RNPEP: variants seen among roughly 807,000 people sequenced by gnomAD.
RNPEP encodes aminopeptidase B.
In RNPEP, 57 loss-of-function variants were observed where a neutral mutation model predicts 70.1. That is an observed-to-expected ratio of 0.81 (90% CI 0.66 to 1.01). The LOEUF is 1.01. RNPEP is among the 50% of genes least tolerant of loss of function. The pLI, the probability that RNPEP is intolerant of heterozygous loss-of-function variation, is 0.00. For missense variants in RNPEP, 787 were observed against 852.4 expected (o/e 0.92, Z 0.96); for synonymous variants, 335 against 357.4 (o/e 0.94, Z 0.71).
intron 1 of RNPEP, among the ~76,000 whole-genome samples, chr1:201,987,499 A>C (rs1357635524): frequency 7.1e-6 from 1 of 140,572 alleles, no homozygotes; most frequent in East Asian, 2.1e-4. Flanking sequence ...GTGCAGTGGC[A>C]TGATCTCAGC....
Position 202,001,380 on chromosome 1 carries a change from T to A in RNPEP, c.1209T>A (p.Val403=), listed in dbSNP as rs1683800222. Reference sequence around the variant, plus strand: ...GTCTGCTTTCTCCTCTGCCAGGCGTTGACCCGGACGACACCTATAATGAGA... The same window carrying A: ...GTCTGCTTTCTCCTCTGCCAGGCGTAGACCCGGACGACACCTATAATGAGA... The part of the protein sequence containing the change: ...NKLRVKIEPG[V]DPDDTYNETP... Residue 403 remains valine, a synonymous_variant, in exon 7 of 11, where the codon GTT becomes GTA. Coordinates refer to ENST00000295640, the MANE Select transcript of RNPEP (RefSeq NM_020216.4). The A allele has an allele frequency of 6.2e-7, 1 of 1,612,446 alleles. No homozygotes were observed. Among genetic ancestry groups the A allele is most frequent in the South Asian group, 1.1e-5 (1 of 91,036 alleles).
chr1:201,983,784 A>G (rs1447593252), intron 1 of RNPEP: 2 of 1,105,128 alleles, frequency 1.8e-6, no homozygotes, highest in African/African-American at 3.4e-5. Context: ...GACGGGGCAA[A>G]TATTGGAAAT....
intron 3 of RNPEP, among the ~76,000 whole-genome samples, chr1:201,991,077 T>G (rs534057724): frequency 5.2e-4 from 79 of 152,322 alleles, no homozygotes; most frequent in African/African-American, 1.7e-3. Context: ...TGGACAGTTC[T>G]TGCCTCCTGG....
intron 6 of RNPEP, 169 bp from the exon 7 acceptor site, chr1:202,001,207 C>T (rs904240782): frequency 1.2e-5 from 7 of 604,800 alleles, no homozygotes; most frequent in African/African-American, 1.9e-5. Context: ...TGAGAGAGTC[C>T]AAGATCTGGA....
chr1:201,998,230 CTTTTT>C (rs34549362), intron 5 of RNPEP, among the ~76,000 whole-genome samples: 248 of 116,650 alleles, frequency 2.1e-3, no homozygotes, highest in South Asian at 3.3e-3. Context: ...TGGGTCTGAA[CTTTTT>C]TTTTTTTTTT....
Position 202,001,688 on chromosome 1 carries a change from C to A in RNPEP, c.1347C>A (p.Ser449Arg). 1 of 1,613,714 alleles carries A rather than the reference C, an allele frequency of 6.2e-7. No individual in the cohort carries two copies. Among genetic ancestry groups the A allele is most frequent in the South Asian group, 1.1e-5 (1 of 91,078 alleles). The change falls in exon 8 of 11, where the codon AGC becomes AGA. Residue 449 changes from serine to arginine, a missense_variant. Transcript: ENST00000295640. The stretch of plus-strand genomic sequence containing the variant: ...ATGTGCATGAATTCAAATTCCGAAG[C>A]ATCTTAGCCGATGACTTTCTGGACT... ...KAYVHEFKFRSILADDFLDFY... is the reference protein window; with the variant it reads ...KAYVHEFKFRRILADDFLDFY...
At chr1:201,983,422 A>G (rs2102956612) in intron 1 of RNPEP, 2 of 1,470,964 alleles carry the variant, frequency 1.4e-6, no homozygotes, top group Non-Finnish European at 1.8e-6. Flanking sequence ...ATTCCCGCTC[A>G]TCGCACACTG....
chr1:202,000,903 A>AAAC (rs1683770639), intron 6 of RNPEP: 1 of 154,292 alleles, frequency 6.5e-6, no homozygotes, highest in Non-Finnish European at 1.4e-5. Flanking sequence ...TAAAAAAAAA[A>AAAC]AAAAAAAAAC....
rs1204012501 is a variant in RNPEP, at chr1:201,983,126, C to G, written c.447+13C>G. 11 of 1,444,882 alleles carry G rather than the reference C, an allele frequency of 7.6e-6. No individual in the cohort carries two copies. The African/African-American group carries it at 1.3e-4, about 17-fold the overall frequency. The allele number at this position is 1,444,882 out of a possible 1,614,324, so 89.5% of individuals were successfully genotyped here. A position where few individuals can be genotyped will look rare whatever the true frequency, so the allele number is the denominator to read the frequency against. ...GGAGGGACCCGGGGTGAGTGCGCCC[C>G]AGACTGCGCCCGCCGCTGCCTGCCT... On this transcript the variant is annotated intron_variant, in intron 1 of 10. Transcript: ENST00000295640.
chr1:201,998,230 CTT>C (rs34549362), intron 5 of RNPEP, among the ~76,000 whole-genome samples: 23 of 116,648 alleles, frequency 2.0e-4, no homozygotes, highest in South Asian at 5.5e-4. Flanking sequence ...TGGGTCTGAA[CTT>C]TTTTTTTTTT....
intron 5 of RNPEP, among the ~76,000 whole-genome samples, 161 bp from the exon 6 acceptor site, chr1:201,999,741 A>G (rs752643094): frequency 2.0e-5 from 3 of 151,938 alleles, no homozygotes; most frequent in East Asian, 1.9e-4. Context: ...AACTGTCCCT[A>G]TTTGCCCTGG....
chr1:201,993,048 G>A (rs1683398010), intron 3 of RNPEP, among the ~76,000 whole-genome samples: 1 of 152,144 alleles, frequency 6.6e-6, no homozygotes, highest in Non-Finnish European at 1.5e-5. Flanking sequence ...AGAAGGTCTT[G>A]TCTCCTGTTT....
At chr1:202,003,520 AG>A in intron 9 of RNPEP, 59 bp downstream of exon 9, 1 of 1,244,502 alleles carries the variant, frequency 8.0e-7, no homozygotes, top group Non-Finnish European at 1.2e-6. Context: ...CAGGGGCTAG[AG>A]GGAGGCTCAC....
chr1:201,988,140 C>G (rs1260806642), intron 1 of RNPEP, among the ~76,000 whole-genome samples: 2 of 133,138 alleles, frequency 1.5e-5, no homozygotes, highest in South Asian at 2.5e-4. Flanking sequence ...AACTCTATCT[C>G]GAAAAAAAAA....
rs759626243 is a variant in RNPEP at position 202,005,627 on chromosome 1, G to A, written c.1864G>A (p.Ala622Thr). ...MGGSEVAQTL[A>T]KETFASTASQ... The stretch of plus-strand genomic sequence containing the variant: ...TGGCAGTGAGGTGGCCCAGACCCTC[G>A]CCAAGGAGACTTTTGCATCCACCGC... The change falls in exon 11 of 11, where the codon GCC becomes ACC. Residue 622 changes from alanine to threonine, a missense_variant. By Grantham distance (58) the Ala-to-Thr change is moderately conservative (BLOSUM62 0). Coordinates refer to ENST00000295640, the MANE Select transcript of RNPEP (RefSeq NM_020216.4). 9 of 1,614,000 alleles carry A rather than the reference G, an allele frequency of 5.6e-6. No homozygotes were observed. The East Asian group carries it at 8.9e-5, about 16-fold the overall frequency.
rs929722484 is a variant in RNPEP at position 201,989,117 on chromosome 1, G to A, written c.588+73G>A. The A allele has an allele frequency of 7.8e-6, 12 of 1,529,760 alleles. No homozygotes were observed. The Admixed American group carries it at 1.2e-4, about 15-fold the overall frequency. 94.8% of individuals were successfully genotyped at this position (1,529,760 alleles called of 1,614,324 possible). On this transcript the variant is annotated intron_variant, in intron 2 of 10. Transcript: ENST00000295640. ...ATTTCAGATCTATCAATCAGGTCAC[G>A]TTTCAGTGGTAAATTATTATATCCA...
chr1:201,989,781 C>T (rs139370905), intron 3 of RNPEP, among the ~76,000 whole-genome samples: 62 of 152,174 alleles, frequency 4.1e-4, no homozygotes, highest in South Asian at 3.1e-3. Flanking sequence ...CTAGCAGTAG[C>T]GCTGTCCTGG....
chr1:201,983,674 GA>G, intron 1 of RNPEP: 2 of 1,168,398 alleles, frequency 1.7e-6, no homozygotes, highest in Non-Finnish European at 2.1e-6. Context: ...TTTGATTAAC[GA>G]AAGAATTTGA....
At chr1:201,986,539 T>TC (rs55711441) in intron 1 of RNPEP, among the ~76,000 whole-genome samples, 75,173 of 132,216 alleles carry the variant, frequency 0.57, 20,611 homozygotes, top group South Asian at 0.6. Context: ...TTTCTTTCTT[T>TC]TTTTTTTTTT....
Sources: allele counts gnomAD v4.1 joint callset (sites outside exome capture counted in the v4.1 genomes callset), GRCh38; gene constraint gnomAD v4.1.1; transcripts MANE v1.5; gene names NCBI Gene and HGNC (gene_info 2026-07-23, HGNC 2026-07-21).